The following SH3D19 variants were observed in gnomAD, a reference collection of about 807,000 sequenced individuals.
SH3D19 encodes the protein SH3 domain containing 19, also known as SH3 domain-containing protein 19.
In SH3D19, 58 loss-of-function variants were observed where a neutral mutation model predicts 112.1. The ratio of observed to expected loss-of-function variants is 0.52; its 90% CI spans 0.42 to 0.64. The LOEUF is 0.64. Among genes scored for constraint, SH3D19 ranks in the 30% least tolerant of loss-of-function variants. The probability of loss-of-function intolerance (pLI) is 0.00; values close to 1 mark genes in which losing one functional copy is unlikely to be tolerated. For missense variants in SH3D19, 1,090 were observed against 1,263.4 expected, an observed-to-expected ratio of 0.86 and a Z score of 2.08; for synonymous variants, 391 against 448.5, an observed-to-expected ratio of 0.87 and a Z score of 1.62.
intron 11 of SH3D19, 144 bp from the exon 12 acceptor site, chr4:151,144,194 C>T (rs1461635726): frequency 1.2e-6 from 2 of 1,608,820 alleles, no homozygotes; most frequent in Middle Eastern, 3.3e-4. Context: ...TTTACATTAA[C>T]CAGTAAGGAA....
intron 1 of SH3D19, among the ~76,000 whole-genome samples, chr4:151,248,114 CTTTTTTTT>C (rs59021784): frequency 6.6e-6 from 1 of 151,088 alleles, no homozygotes; most frequent in African/African-American, 2.4e-5. Flanking sequence ...TAATGTTTTA[CTTTTTTTT>C]TTTTGTTTGT....
chr4:151,209,858 T>C (rs917909642), intron 2 of SH3D19, among the ~76,000 whole-genome samples: 1 of 152,164 alleles, frequency 6.6e-6, no homozygotes, highest in Non-Finnish European at 1.5e-5. Flanking sequence ...AAGACCCCTT[T>C]TGGAAAGTGC....
intron 1 of SH3D19, among the ~76,000 whole-genome samples, chr4:151,235,075 G>A (rs909281039): frequency 1.3e-5 from 2 of 152,050 alleles, no homozygotes; most frequent in Non-Finnish European, 2.9e-5. Context: ...AGGTTCAGGG[G>A]TGCATGCGCA....
intron 1 of SH3D19, among the ~76,000 whole-genome samples, chr4:151,254,324 A>G (rs1029464212): frequency 2.2e-5 from 3 of 138,590 alleles, no homozygotes; most frequent in Non-Finnish European, 4.9e-5. Context: ...TTTATTTTTT[A>G]AATTTATTTA....
chr4:151,147,376 G>A (rs1171701632), intron 11 of SH3D19, among the ~76,000 whole-genome samples: 1 of 151,506 alleles, frequency 6.6e-6, no homozygotes, highest in Non-Finnish European at 1.5e-5. Context: ...GTCCAGCCAG[G>A]CAGCAAGTTA....
intron 1 of SH3D19, among the ~76,000 whole-genome samples, chr4:151,249,466 A>C (rs998930689): frequency 6.6e-6 from 1 of 152,224 alleles, no homozygotes; most frequent in Non-Finnish European, 1.5e-5. Flanking sequence ...CTGTACTATT[A>C]TGTATTAAAC....
chr4:151,149,238 C>T (rs933533166), intron 10 of SH3D19, among the ~76,000 whole-genome samples: 6 of 152,046 alleles, frequency 3.9e-5, no homozygotes, highest in African/African-American at 1.4e-4. Context: ...AGAAGTGGAG[C>T]TGTTTTAAGT....
rs530801367 is a variant in SH3D19 at position 151,303,436 on chromosome 4, G to A, written c.112+21805C>T. Among the ~76,000 whole-genome samples the A allele has an allele frequency of 1.1e-4, 17 of 152,272 alleles. 1 individual carries two copies. The South Asian group carries it at 3.1e-3, about 28-fold the overall frequency. On this transcript the variant is annotated intron_variant, in intron 1 of 19. Coordinates refer to ENST00000604030, the MANE Select transcript of SH3D19 (RefSeq NM_001378122.1). ...TAGGTTTTTAAAAATACCATAATAT[G>A]AGCAAGAAATATACTGGACCAGCAG...
At chr4:151,272,306 G>A (rs1023382797) in intron 1 of SH3D19, among the ~76,000 whole-genome samples, 5 of 152,132 alleles carry the variant, frequency 3.3e-5, no homozygotes, top group African/African-American at 9.7e-5. Context: ...GGGAAAAGAT[G>A]ACTTGCTTAA....
At chr4:151,134,193 T>G (rs1751336720) in intron 15 of SH3D19, among the ~76,000 whole-genome samples, 1 of 152,262 alleles carries the variant, frequency 6.6e-6, no homozygotes, top group South Asian at 2.1e-4. Flanking sequence ...TTCTTATTTG[T>G]GATAACCTTT....
At chr4:151,262,239 T>C (rs753492710) in intron 1 of SH3D19, 8 of 152,142 alleles carry the variant, frequency 5.3e-5, no homozygotes, top group Non-Finnish European at 1.0e-4. Flanking sequence ...TATCTGAAAA[T>C]CAAAGGCACA....
intron 2 of SH3D19, among the ~76,000 whole-genome samples, chr4:151,224,461 A>G (rs1468244127): frequency 3.9e-5 from 6 of 152,294 alleles, no homozygotes; most frequent in South Asian, 2.1e-4. Flanking sequence ...GAAGAACTAA[A>G]TCCTTCAGAC....
chr4:151,156,865 T>C (rs1756217045), intron 9 of SH3D19, among the ~76,000 whole-genome samples: 1 of 151,684 alleles, frequency 6.6e-6, no homozygotes, highest in Admixed American at 6.6e-5. Context: ...ACCAACAGAG[T>C]GAAAAGACAA....
chr4:151,284,171 C>T (rs569759229), intron 1 of SH3D19, among the ~76,000 whole-genome samples: 372 of 152,180 alleles, frequency 2.4e-3, no homozygotes, highest in Non-Finnish European at 4.5e-3. Flanking sequence ...AACTATTCTG[C>T]CTCATTTCTC....
chr4:151,142,402 C>T (rs945017120), intron 12 of SH3D19, among the ~76,000 whole-genome samples: 6 of 152,142 alleles, frequency 3.9e-5, no homozygotes, highest in African/African-American at 1.4e-4. Context: ...TCCCCTCAGC[C>T]CCAGGCAACC....
At chr4:151,161,227 G>A (rs1467516878) in intron 8 of SH3D19, among the ~76,000 whole-genome samples, 2 of 152,116 alleles carry the variant, frequency 1.3e-5, no homozygotes, top group East Asian at 3.9e-4. Flanking sequence ...AGACATCTGG[G>A]AAAAGGACAA....
chr4:151,243,480 C>T (rs889933356), intron 1 of SH3D19, among the ~76,000 whole-genome samples: 11 of 152,168 alleles, frequency 7.2e-5, no homozygotes, highest in Admixed American at 2.6e-4. Flanking sequence ...GTAAGTGATC[C>T]CTGTCTCTTA....
chr4:151,207,187 T>C (rs1765244861), intron 2 of SH3D19, among the ~76,000 whole-genome samples: 1 of 152,120 alleles, frequency 6.6e-6, no homozygotes, highest in Non-Finnish European at 1.5e-5. Context: ...AGATAAGATT[T>C]AGTAGCAGTG....
At chr4:151,216,600 G>T (rs1445716503) in intron 2 of SH3D19, among the ~76,000 whole-genome samples, 1 of 152,144 alleles carries the variant, frequency 6.6e-6, no homozygotes, top group African/African-American at 2.4e-5. Flanking sequence ...AGTTCCATGC[G>T]CCCTGGACTG....
Sources: allele counts gnomAD v4.1 joint callset (sites outside exome capture counted in the v4.1 genomes callset), GRCh38; gene constraint gnomAD v4.1.1; transcripts MANE v1.5; gene names NCBI Gene and HGNC (gene_info 2026-07-23, HGNC 2026-07-21).